Variants in CHD8 observed in about 807,000 individuals in gnomAD.
CHD8 encodes the protein chromodomain helicase DNA binding protein 8, also known as ATP-dependent chromatin remodeler CHD8.
CHD8 carries 31 observed loss-of-function variants against 279.2 expected under a neutral mutation model. The observed-to-expected ratio is 0.11, with a 90% CI of 0.08 to 0.15. The LOEUF (loss-of-function observed/expected upper bound fraction) is 0.15. Ranked by LOEUF, CHD8 falls within the 10% of genes least tolerant of loss-of-function variation. The pLI is 1.00. For synonymous variants in CHD8, 1,081 were observed against 1,139.6 expected, an observed-to-expected ratio of 0.95 and a Z score of 1.04; for missense variants, 2,146 against 3,230.5, an observed-to-expected ratio of 0.66 and a Z score of 8.14.
intron 21 of CHD8, 53 bp from the exon 22 acceptor site, chr14:21,401,124 AAAGAAT>A: frequency 7.5e-7 from 1 of 1,326,042 alleles, no homozygotes; most frequent in Non-Finnish European, 1.0e-6. Flanking sequence ...GCTCATGGGA[AAAGAAT>A]AAGACAATTA....
chr14:21,421,252 T>C (rs1476504129), intron 5 of CHD8, among the ~76,000 whole-genome samples: 1 of 152,188 alleles, frequency 6.6e-6, no homozygotes, highest in East Asian at 1.9e-4. Flanking sequence ...TGCATATACA[T>C]ATATATACAC....
intron 37 of CHD8, chr14:21,386,415 A>G (rs1887238640): frequency 1.8e-6 from 1 of 558,380 alleles, no homozygotes. Context: ...CGAAACTCAT[A>G]TTAACCAGTT....
intron 1 of CHD8, among the ~76,000 whole-genome samples, chr14:21,438,744 G>A (rs1235046444): frequency 5.3e-5 from 8 of 151,768 alleles, no homozygotes; most frequent in African/African-American, 1.5e-4. Flanking sequence ...AGGCAGAATC[G>A]CTTGAACCTG....
rs554085422 is a variant in CHD8 at position 21,411,565 on chromosome 14, C to G, written c.2226+1348G>C. 1.4e-4 allele frequency among the ~76,000 whole-genome samples: 22 copies of G among 152,268 alleles called. No homozygotes were observed. The East Asian group carries it at 3.5e-3, about 24-fold the overall frequency. ...CATCTTAAAAAGGCTCTGCTGTTCT[C>G]TACTGGTCACTGTATAAAGTGTCAG... On this transcript the variant is annotated intron_variant, in intron 10 of 37. Transcript: ENST00000646647.
chr14:21,455,547 C>A (rs140794533), intron 1 of CHD8, among the ~76,000 whole-genome samples: 1 of 152,226 alleles, frequency 6.6e-6, no homozygotes, highest in East Asian at 1.9e-4. Flanking sequence ...GAATGAGTAA[C>A]AATCTGCTTA....
At chr14:21,455,405 A>G (rs1890363217) in intron 1 of CHD8, among the ~76,000 whole-genome samples, 1 of 152,108 alleles carries the variant, frequency 6.6e-6, no homozygotes. Context: ...ACATAATGCA[A>G]CGGAAAACCA....
chr14:21,425,258 C>G (rs1421940389), intron 5 of CHD8: 1 of 151,708 alleles, frequency 6.6e-6, no homozygotes, highest in Non-Finnish European at 1.5e-5. Flanking sequence ...GGCAATCAAG[C>G]AGCATGATTT....
rs755646683 is a variant in CHD8, at chr14:21,427,992, C to T, written c.1478G>A (p.Arg493Gln). The T allele has an allele frequency of 1.9e-5, 30 of 1,614,060 alleles. No individual in the cohort carries two copies. The highest frequency in any genetic ancestry group is 1.3e-4 in the East Asian group (6 of 44,890). Residue 493 changes from arginine to glutamine, a missense_variant, in exon 4 of 38, where the codon CGG (arginine) becomes CAG (glutamine). Physicochemically the swap from Arg to Gln is conservative, Grantham distance 43 (BLOSUM62 1). This residue lies in a region of CHD8 where 123 missense variants were observed against 169.2 expected (regional missense o/e 0.73). Transcript: ENST00000646647. Reference sequence around the variant, plus strand: ...TTTCTTCTCGCCTTCCTCCTCTGGCCGAACGCTGGGCAACTCGTCCTCATT... The same window carrying T: ...TTTCTTCTCGCCTTCCTCCTCTGGCTGAACGCTGGGCAACTCGTCCTCATT... ...VLNEDELPSV[R>Q]PEEEGEKKRR...
intron 1 of CHD8, among the ~76,000 whole-genome samples, chr14:21,437,604 T>A (rs546354581): frequency 6.6e-6 from 1 of 152,256 alleles, no homozygotes; most frequent in South Asian, 2.1e-4. Flanking sequence ...CTAGGCCAGC[T>A]CCGCCTCCCT....
intron 1 of CHD8, chr14:21,437,157 T>G (rs1889818752): frequency 9.2e-7 from 1 of 1,082,058 alleles, no homozygotes; most frequent in Non-Finnish European, 1.2e-6. Context: ...GAAAACGAGC[T>G]GTGCCTCACC....
chr14:21,445,109 T>C (rs2139567687), intron 1 of CHD8, among the ~76,000 whole-genome samples: 1 of 152,350 alleles, frequency 6.6e-6, no homozygotes, highest in Non-Finnish European at 1.5e-5. Flanking sequence ...TTCCCATCTT[T>C]ACCTCCTAAA....
chr14:21,401,642 T>C (rs1271682770), intron 20 of CHD8, 129 bp from the exon 21 acceptor site: 3 of 627,584 alleles, frequency 4.8e-6, no homozygotes, highest in South Asian at 4.4e-5. Flanking sequence ...TGGGGTACAG[T>C]GGCACGATCT....
At chr14:21,420,824 A>C (rs909706052) in intron 5 of CHD8, among the ~76,000 whole-genome samples, 5 of 151,392 alleles carry the variant, frequency 3.3e-5, no homozygotes, top group African/African-American at 1.2e-4. Context: ...GTGCAATGGC[A>C]TGATCTCAGC....
intron 1 of CHD8, among the ~76,000 whole-genome samples, chr14:21,436,196 T>A (rs1458661989): frequency 6.6e-6 from 1 of 152,232 alleles, no homozygotes; most frequent in Non-Finnish European, 1.5e-5. Flanking sequence ...CTATTTTATT[T>A]ACTTCAAAGA....
At chr14:21,399,834 C>A in intron 25 of CHD8, 129 bp from the exon 26 acceptor site, 5 of 932,176 alleles carry the variant, frequency 5.4e-6, no homozygotes, top group Non-Finnish European at 8.8e-6. Context: ...CCTATTTCCT[C>A]CCACTAGTGT....
Position 21,400,766 on chromosome 14 carries a change from A to C in CHD8, c.4370+109T>G. ...CTCCCTCCAAGGCAAATATTTTTTCACATTATCCCTTCTTTGATCATAGCC... is the reference window on the plus strand; with the variant it reads ...CTCCCTCCAAGGCAAATATTTTTTCCCATTATCCCTTCTTTGATCATAGCC... On this transcript the variant is annotated intron_variant, in intron 22 of 37. Transcript: ENST00000646647. The surrounding 1 kb of genome is among the most constrained non-coding windows in gnomAD (Gnocchi z 4.2). 7.6e-7 allele frequency: 1 copy of C among 1,322,914 alleles called. No homozygotes were observed. Among genetic ancestry groups the C allele is most frequent in the Non-Finnish European group, 1.0e-6 (1 of 968,964 alleles). The allele number at this position is 1,322,914 out of a possible 1,614,324, so 81.9% of individuals were successfully genotyped here.
Position 21,408,570 on chromosome 14 carries a change from T to A in CHD8, c.2487-15A>T. 6.3e-7 allele frequency: 1 copy of A among 1,590,834 alleles called. No homozygotes were observed. The highest frequency in any genetic ancestry group is 1.4e-5 in the African/African-American group (1 of 71,072). On this transcript the variant is annotated splice_polypyrimidine_tract_variant and intron_variant, in intron 12 of 37. Transcript: ENST00000646647. This position sits in a 1 kb window ranked among gnomAD's most constrained non-coding sequence, Gnocchi z 4.3. ...TGCAGTTCTGCCTGCAGATTCACCA[T>A]GGGAAAAAAAAAATGTTAAAAGATA... is the stretch of plus-strand genomic sequence containing the variant.
Position 21,391,690 on chromosome 14 carries a change from G to A in CHD8, c.6886-48C>T, listed in dbSNP as rs776652816. On this transcript the variant is annotated intron_variant, in intron 35 of 37. Transcript: ENST00000646647. ...CATGAGCACATACTCTTCTTTGGGG[G>A]AGGGAGGGAGGGGGAGCAGGGCCAA... 6 of 1,075,128 alleles carry A rather than the reference G, an allele frequency of 5.6e-6. No individual in the cohort carries two copies. The African/African-American group carries it at 9.5e-5, about 17-fold the overall frequency. 66.6% of individuals were successfully genotyped at this position (1,075,128 alleles called of 1,614,324 possible).
chr14:21,396,038 C>G (rs905293787), intron 27 of CHD8, 146 bp from the exon 28 acceptor site: 2 of 644,146 alleles, frequency 3.1e-6, no homozygotes, highest in African/African-American at 3.7e-5. Context: ...ACTCTGTCGC[C>G]CAGGCTGGAG....
Sources: gnomAD v4.1 joint callset for allele counts (sites outside exome capture counted in the v4.1 genomes callset) on GRCh38, gnomAD v4.1.1 for gene constraint, gnomAD v4.1.1 regional missense constraint, Gnocchi (gnomAD v3.1) non-coding constraint, MANE v1.5 for transcripts, NCBI Gene and HGNC (gene_info 2026-07-23, HGNC 2026-07-21) for gene names.